Variants in RERE observed in about 807,000 individuals in gnomAD.
RERE encodes the protein arginine-glutamic acid dipeptide repeats, also known as arginine-glutamic acid dipeptide repeats protein.
In RERE, 40 loss-of-function variants were observed where a neutral mutation model predicts 146.1. The observed-to-expected ratio is 0.27, with a 90% CI of 0.21 to 0.36. RERE has a LOEUF of 0.36. Among genes scored for constraint, RERE ranks in the 10% least tolerant of loss-of-function variants. The probability of loss-of-function intolerance (pLI) is 1.00; values close to 1 mark genes in which losing one functional copy is unlikely to be tolerated. For missense variants in RERE, 1,933 were observed against 2,138.7 expected (o/e 0.90, Z 1.90); for synonymous variants, 1,003 against 866.0 (o/e 1.16, Z -2.78).
rs1481588715 is a variant in RERE at position 8,619,654 on chromosome 1, A to T, written c.396+4656T>A. ...ACTATACAAGGAACTCCTCAGTGCTATACTGAATGAAAATTAGTGTCTCCA... is the reference window on the plus strand; with the variant it reads ...ACTATACAAGGAACTCCTCAGTGCTTTACTGAATGAAAATTAGTGTCTCCA... On this transcript the variant is annotated intron_variant, in intron 3 of 22. Coordinates refer to ENST00000400908, the MANE Select transcript of RERE (RefSeq NM_001042681.2). Among the ~76,000 whole-genome samples the T allele has an allele frequency of 2.6e-5, 4 of 152,376 alleles. No individual in the cohort carries two copies. In the South Asian group the frequency reaches 6.2e-4, roughly 24 times the overall value.
chr1:8,687,634 G>A (rs968613817), intron 1 of RERE, among the ~76,000 whole-genome samples: 4 of 152,166 alleles, frequency 2.6e-5, no homozygotes, highest in African/African-American at 9.7e-5. Context: ...AATACTTGGG[G>A]AGAGTCGTAA....
intron 4 of RERE, among the ~76,000 whole-genome samples, chr1:8,598,041 G>C (rs954406422): frequency 6.6e-6 from 1 of 152,126 alleles, no homozygotes; most frequent in Non-Finnish European, 1.5e-5. Context: ...ATGGGGTTGG[G>C]GGAAGCAATA....
At chr1:8,371,678 C>G (rs533348575) in intron 12 of RERE, among the ~76,000 whole-genome samples, 4 of 152,358 alleles carry the variant, frequency 2.6e-5, no homozygotes, top group Admixed American at 2.0e-4. Flanking sequence ...CAAGTTCACA[C>G]AGACACAACG....
At chr1:8,575,563 T>TATATATATATATA (rs903438773) in intron 4 of RERE, among the ~76,000 whole-genome samples, 1 of 84,826 alleles carries the variant, frequency 1.2e-5, no homozygotes, top group Non-Finnish European at 2.6e-5. Context: ...ATATATATAT[T>TATATATATATATA]TTTTTTTTTT....
intron 12 of RERE, among the ~76,000 whole-genome samples, chr1:8,399,599 A>C (rs983827914): frequency 6.6e-6 from 1 of 152,084 alleles, no homozygotes; most frequent in Non-Finnish European, 1.5e-5. Flanking sequence ...TTTTCTTGCT[A>C]TTCTTGGACC....
chr1:8,448,758 G>T (rs1644355162), intron 11 of RERE, among the ~76,000 whole-genome samples: 4 of 152,142 alleles, frequency 2.6e-5, no homozygotes, highest in South Asian at 4.2e-4. Flanking sequence ...GAACCCGGGA[G>T]GCGCAGGTTG....
At chr1:8,700,428 A>C (rs530129003) in intron 1 of RERE, among the ~76,000 whole-genome samples, 1 of 152,294 alleles carries the variant, frequency 6.6e-6, no homozygotes, top group South Asian at 2.1e-4. Context: ...GTCACATTAC[A>C]ATCTATGTTA....
At chr1:8,801,037 G>A (rs776222938) in intron 1 of RERE, among the ~76,000 whole-genome samples, 27 of 152,172 alleles carry the variant, frequency 1.8e-4, no homozygotes, top group Non-Finnish European at 3.7e-4. Flanking sequence ...GGTAGGTGGA[G>A]TGCTTGAGTC....
intron 9 of RERE, among the ~76,000 whole-genome samples, chr1:8,496,063 C>T (rs969827572): frequency 6.2e-5 from 9 of 146,118 alleles, no homozygotes; most frequent in East Asian, 4.0e-4. Flanking sequence ...CTGGGGAGGA[C>T]GAGGTGGGAG....
intron 1 of RERE, among the ~76,000 whole-genome samples, chr1:8,815,667 A>C (rs1011269307): frequency 3.3e-5 from 5 of 152,190 alleles, no homozygotes; most frequent in Admixed American, 1.3e-4. Flanking sequence ...GCCAGGCATG[A>C]GATGGGTGGA....
At position 8,636,050 on chromosome 1, in the gene RERE, G is replaced by A. The variant is rs1192450454; in HGVS notation, c.326-11670C>T. Among the ~76,000 whole-genome samples the A allele has an allele frequency of 4.6e-5, 7 of 152,024 alleles. No individual in the cohort carries two copies. In the East Asian group the frequency reaches 9.7e-4, roughly 21 times the overall value. On this transcript the variant is annotated intron_variant, in intron 2 of 22. Transcript: ENST00000400908. ...GTTGCCCAGGCTGGAGTGCAATGGC[G>A]CGATCTCAGCTCACCGCAACCTCCG...
chr1:8,760,273 C>T (rs1283554256), intron 1 of RERE, among the ~76,000 whole-genome samples: 1 of 152,322 alleles, frequency 6.6e-6, no homozygotes, highest in East Asian at 1.9e-4. Flanking sequence ...GTGATCCGCC[C>T]GCCTCGGCCT....
At chr1:8,794,162 C>A (rs561847170) in intron 1 of RERE, among the ~76,000 whole-genome samples, 2 of 151,154 alleles carry the variant, frequency 1.3e-5, no homozygotes, top group East Asian at 3.9e-4. Flanking sequence ...CTTTGGGAGG[C>A]CGAGGTGGGC....
intron 1 of RERE, among the ~76,000 whole-genome samples, chr1:8,772,447 G>C (rs1640970544): frequency 6.6e-6 from 1 of 152,046 alleles, no homozygotes; most frequent in African/African-American, 2.4e-5. Context: ...CAATGGCTTT[G>C]AGGAACTCAA....
At chr1:8,627,878 G>GA (rs1221146257) in intron 2 of RERE, among the ~76,000 whole-genome samples, 2 of 152,176 alleles carry the variant, frequency 1.3e-5, no homozygotes, top group South Asian at 4.1e-4. Context: ...GTTAGAGAAG[G>GA]AAGGAAAGGA....
At chr1:8,668,503 T>C (rs1021155186) in intron 1 of RERE, among the ~76,000 whole-genome samples, 1 of 151,948 alleles carries the variant, frequency 6.6e-6, no homozygotes, top group Admixed American at 6.6e-5. Context: ...GGGAAAAGAA[T>C]CCCTAAACTC....
intron 8 of RERE, among the ~76,000 whole-genome samples, chr1:8,502,317 G>A (rs1345031588): frequency 0.013 from 1,446 of 107,420 alleles, 20 homozygotes; most frequent in Non-Finnish European, 0.02. Context: ...CTGGCGAGCC[G>A]CCCCGTCCGG....
At chr1:8,434,239 C>T (rs968626299) in intron 11 of RERE, among the ~76,000 whole-genome samples, 1 of 152,130 alleles carries the variant, frequency 6.6e-6, no homozygotes, top group Non-Finnish European at 1.5e-5. Flanking sequence ...CCCTCAATGT[C>T]CCAGCTGACT....
At chr1:8,548,525 A>G (rs1039715724) in intron 6 of RERE, among the ~76,000 whole-genome samples, 8 of 152,256 alleles carry the variant, frequency 5.3e-5, no homozygotes, top group African/African-American at 1.9e-4. Flanking sequence ...ACCGAAAACA[A>G]AAAGAGTCAA....
Sources: allele counts gnomAD v4.1 joint callset (sites outside exome capture counted in the v4.1 genomes callset), GRCh38; gene constraint gnomAD v4.1.1; transcripts MANE v1.5; gene names NCBI Gene and HGNC (gene_info 2026-07-23, HGNC 2026-07-21).